The following KIAA1328 variants were observed in gnomAD, a reference collection of about 807,000 sequenced individuals.
KIAA1328 encodes KIAA1328, also known as protein hinderin.
A neutral mutation model predicts 68.1 loss-of-function variants in KIAA1328; 52 were observed. That is an observed-to-expected ratio of 0.76 (90% CI 0.61 to 0.96). The LOEUF is 0.96. Among genes scored for constraint, KIAA1328 ranks in the 40% least tolerant of loss-of-function variants. The pLI is 0.00. For missense variants in KIAA1328, 641 were observed against 677.6 expected (o/e 0.95, Z 0.60); for synonymous variants, 232 against 239.4 (o/e 0.97, Z 0.28).
chr18:37,166,974 T>C lies in KIAA1328; in HGVS notation c.1415-5999T>C, dbSNP rs191370292. ...GCCCAGGACCAGATGGCTTCACTGA[T>C]GAATTTTACCAAACATTTAAGGAAT... On this transcript the variant is annotated intron_variant, in intron 8 of 9. Transcript: ENST00000280020. Among the ~76,000 whole-genome samples, 9 of 152,352 alleles carry C rather than the reference T, an allele frequency of 5.9e-5. No individual in the cohort carries two copies. In the East Asian group the frequency reaches 1.7e-3, roughly 29 times the overall value.
chr18:37,065,506 C>A (rs2056309541), intron 6 of KIAA1328, among the ~76,000 whole-genome samples: 1 of 152,158 alleles, frequency 6.6e-6, no homozygotes, highest in East Asian at 1.9e-4. Context: ...CTAGGAATAA[C>A]ACATTTTCAA....
At chr18:36,945,321 G>A (rs968932983) in intron 5 of KIAA1328, among the ~76,000 whole-genome samples, 2 of 152,018 alleles carry the variant, frequency 1.3e-5, no homozygotes, top group African/African-American at 4.8e-5. Context: ...AAGAACCATT[G>A]AAGTAAAGTT....
At chr18:37,215,965 G>A (rs1200856608) in intron 9 of KIAA1328, among the ~76,000 whole-genome samples, 3 of 152,172 alleles carry the variant, frequency 2.0e-5, no homozygotes, top group Non-Finnish European at 4.4e-5. Context: ...TCTGATGGTA[G>A]TTTGTACTTC....
chr18:37,138,420 A>G (rs1459223859), intron 7 of KIAA1328, among the ~76,000 whole-genome samples: 2 of 152,104 alleles, frequency 1.3e-5, no homozygotes, highest in Non-Finnish European at 1.5e-5. Flanking sequence ...TTCCTACACC[A>G]CACATCTAAG....
Position 37,217,607 on chromosome 18 carries a change from G to A in KIAA1328, c.1524-4410G>A, listed in dbSNP as rs531359062. Among the ~76,000 whole-genome samples, 90 of 152,042 alleles carry A rather than the reference G, an allele frequency of 5.9e-4. 3 individuals are homozygous for A. The South Asian group carries it at 0.018, about 31-fold the overall frequency. ...TCTCTGGCTGCCCTTAACATTTTTT[G>A]CTTCATTTCAACCTTGGTGAATCTG... On this transcript the variant is annotated intron_variant, in intron 9 of 9. Transcript: ENST00000280020.
chr18:37,165,965 C>A (rs894093724), intron 8 of KIAA1328, among the ~76,000 whole-genome samples: 1 of 151,254 alleles, frequency 6.6e-6, no homozygotes, highest in African/African-American at 2.4e-5. Flanking sequence ...TCTGTACTTA[C>A]AATCATGTTA....
At chr18:37,012,289 A>G (rs538883352) in intron 6 of KIAA1328, among the ~76,000 whole-genome samples, 4 of 152,284 alleles carry the variant, frequency 2.6e-5, no homozygotes, top group African/African-American at 9.6e-5. Flanking sequence ...CCATCCATGA[A>G]ATCTAGGCAT....
intron 6 of KIAA1328, among the ~76,000 whole-genome samples, chr18:37,014,996 G>A (rs568768637): frequency 4.7e-4 from 71 of 152,158 alleles, no homozygotes; most frequent in African/African-American, 1.4e-3. Flanking sequence ...TCTGCCTCCC[G>A]GGTTCAAGTG....
chr18:37,176,710 A>G (rs901832918), intron 9 of KIAA1328, among the ~76,000 whole-genome samples: 1 of 152,192 alleles, frequency 6.6e-6, no homozygotes, highest in African/African-American at 2.4e-5. Flanking sequence ...CCTTGGCTCT[A>G]AAAGAAACTT....
At chr18:37,040,677 T>C (rs761479826) in intron 6 of KIAA1328, among the ~76,000 whole-genome samples, 1 of 151,864 alleles carries the variant, frequency 6.6e-6, no homozygotes, top group Non-Finnish European at 1.5e-5. Flanking sequence ...TTTTTCCTTT[T>C]CTGATATAGA....
At chr18:37,094,659 G>A (rs1016628688) in intron 7 of KIAA1328, among the ~76,000 whole-genome samples, 7 of 152,048 alleles carry the variant, frequency 4.6e-5, no homozygotes, top group Non-Finnish European at 8.8e-5. Flanking sequence ...AAAAAAGAAA[G>A]AGAAGAACAA....
intron 7 of KIAA1328, among the ~76,000 whole-genome samples, chr18:37,091,798 A>G (rs1347703769): frequency 2.0e-5 from 3 of 152,108 alleles, no homozygotes; most frequent in Non-Finnish European, 4.4e-5. Context: ...TTGTCCACAT[A>G]TTGTCCTACA....
intron 7 of KIAA1328, chr18:37,084,158 ACTG>A: frequency 9.2e-6 from 14 of 1,517,800 alleles, no homozygotes; most frequent in Non-Finnish European, 1.2e-5. Context: ...AGTCGAGAGA[ACTG>A]GTTGCTGAAA....
intron 7 of KIAA1328, among the ~76,000 whole-genome samples, chr18:37,146,292 C>T (rs1296124587): frequency 6.6e-6 from 1 of 152,108 alleles, no homozygotes; most frequent in Non-Finnish European, 1.5e-5. Flanking sequence ...CTCTTTGTGT[C>T]CATGTGTTCT....
chr18:36,913,154 G>A lies in KIAA1328; in HGVS notation c.448+27482G>A, dbSNP rs1420144307. Among the ~76,000 whole-genome samples the A allele has an allele frequency of 2.0e-5, 3 of 151,866 alleles. 1 individual carries two copies. The highest frequency in any genetic ancestry group is 4.2e-4 in the South Asian group (2 of 4,812). On this transcript the variant is annotated intron_variant, in intron 5 of 9. Coordinates refer to ENST00000280020, the MANE Select transcript of KIAA1328 (RefSeq NM_020776.3). ...GTCTGAGAGTCTTTTTTGAAATTTT[G>A]TTTAAAATTTTGTCTTCTCTTTCCC...
intron 5 of KIAA1328, chr18:36,902,437 A>G (rs2049072637): frequency 2.0e-5 from 3 of 152,094 alleles, no homozygotes; most frequent in African/African-American, 7.2e-5. Context: ...CGTGATATTT[A>G]GTCTAACAAC....
intron 4 of KIAA1328, among the ~76,000 whole-genome samples, chr18:36,855,779 ATATT>A (rs1568082093): frequency 1.3e-5 from 2 of 151,522 alleles, no homozygotes; most frequent in Non-Finnish European, 2.9e-5. Context: ...TTTAACTATT[ATATT>A]TAAGTATTTA....
intron 6 of KIAA1328, among the ~76,000 whole-genome samples, chr18:37,039,804 G>A (rs189903847): frequency 1.3e-4 from 20 of 152,226 alleles, no homozygotes; most frequent in African/African-American, 4.8e-4. Context: ...TCAGAAGTCC[G>A]GTTGAACTTC....
intron 6 of KIAA1328, among the ~76,000 whole-genome samples, chr18:37,027,364 A>G (rs967078390): frequency 2.0e-5 from 3 of 152,214 alleles, no homozygotes; most frequent in Non-Finnish European, 4.4e-5. Flanking sequence ...ATTGGAAAAA[A>G]CTACTTTAAA....
Sources: gnomAD v4.1 joint callset for allele counts (sites outside exome capture counted in the v4.1 genomes callset) on GRCh38, gnomAD v4.1.1 for gene constraint, MANE v1.5 for transcripts, NCBI Gene and HGNC (gene_info 2026-07-23, HGNC 2026-07-21) for gene names.